Variants in NEGR1 observed in about 807,000 individuals in gnomAD.
The protein encoded by NEGR1 is IgLON family member 4.
NEGR1 carries 10 observed loss-of-function variants against 40.9 expected under a neutral mutation model. The observed-to-expected ratio is 0.24, with a 90% CI of 0.15 to 0.42. The LOEUF is 0.42. Among genes scored for constraint, NEGR1 ranks in the 10% least tolerant of loss-of-function variants. The pLI is 1.00. For synonymous variants in NEGR1, 185 were observed against 166.8 expected, an observed-to-expected ratio of 1.11 and a Z score of -0.84; for missense variants, 352 against 438.9, an observed-to-expected ratio of 0.80 and a Z score of 1.77.
chr1:71,963,886 C>A (rs866661070), intron 1 of NEGR1, among the ~76,000 whole-genome samples: 2 of 152,166 alleles, frequency 1.3e-5, no homozygotes, highest in South Asian at 2.1e-4. Flanking sequence ...GAGTCCAAAT[C>A]TGTAAAACTA....
chr1:71,878,209 A>T (rs530267861), intron 2 of NEGR1, among the ~76,000 whole-genome samples: 11 of 152,102 alleles, frequency 7.2e-5, no homozygotes, highest in African/African-American at 2.6e-4. Flanking sequence ...TTTTTTTGCA[A>T]GTTTTATTAC....
At chr1:71,884,631 C>T (rs1441673877) in intron 2 of NEGR1, among the ~76,000 whole-genome samples, 1 of 152,130 alleles carries the variant, frequency 6.6e-6, no homozygotes. Context: ...CTGTGGTATA[C>T]CAAAACCTGT....
chr1:71,753,078 T>C (rs1341867193), intron 3 of NEGR1, among the ~76,000 whole-genome samples: 1 of 152,134 alleles, frequency 6.6e-6, no homozygotes, highest in African/African-American at 2.4e-5. Context: ...TTGTAGTCCT[T>C]GGGAAAATGA....
At chr1:71,913,311 C>T (rs1004139973) in intron 2 of NEGR1, among the ~76,000 whole-genome samples, 20 of 152,020 alleles carry the variant, frequency 1.3e-4, no homozygotes, top group Admixed American at 3.9e-4. Flanking sequence ...GATGGGGTTC[C>T]GCCATGTTGG....
chr1:71,924,128 C>T (rs1340970651), intron 2 of NEGR1, among the ~76,000 whole-genome samples: 2 of 152,048 alleles, frequency 1.3e-5, no homozygotes, highest in Non-Finnish European at 2.9e-5. Context: ...CCTCCTGCTT[C>T]GTTCTTCCAA....
rs115892103 is a variant in NEGR1 at position 72,199,506 on chromosome 1, A to G, written c.176+82813T>C. ...GACACTTCAAATTCGCAGGTTTCCT[A>G]TCCCATTTAACCAGCTATGAGAACA... On this transcript the variant is annotated intron_variant, in intron 1 of 6. Coordinates refer to ENST00000357731, the MANE Select transcript of NEGR1 (RefSeq NM_173808.3). Among the ~76,000 whole-genome samples, 1,445 of 152,118 alleles carry G rather than the reference A, an allele frequency of 9.5e-3. 24 individuals carry two copies. The highest frequency in any genetic ancestry group is 0.033 in the African/African-American group (1,375 of 41,554).
At position 71,789,051 on chromosome 1, in the gene NEGR1, C is replaced by T. The variant is rs1352471864; in HGVS notation, c.410-12754G>A. On this transcript the variant is annotated intron_variant, in intron 2 of 6. Transcript: ENST00000357731. ...GATAAAGATAGAAGGATGGCAAAGG[C>T]GATACCAAGATATTTTTTGGAATAT... Among the ~76,000 whole-genome samples, 4 of 151,986 alleles carry T rather than the reference C, an allele frequency of 2.6e-5. No individual in the cohort carries two copies. In the East Asian group the frequency reaches 7.7e-4, roughly 29 times the overall value.
At chr1:71,431,026 C>T (rs900514166) in intron 6 of NEGR1, among the ~76,000 whole-genome samples, 1 of 151,796 alleles carries the variant, frequency 6.6e-6, no homozygotes, top group Non-Finnish European at 1.5e-5. Context: ...GGATTACAGG[C>T]GTGAGCCACC....
At chr1:71,616,832 C>G (rs1252060212) in intron 4 of NEGR1, among the ~76,000 whole-genome samples, 1 of 152,112 alleles carries the variant, frequency 6.6e-6, no homozygotes, top group Non-Finnish European at 1.5e-5. Context: ...GGGGAAAAGA[C>G]CCAACAACTC....
intron 2 of NEGR1, among the ~76,000 whole-genome samples, chr1:71,840,937 G>A (rs1165988485): frequency 6.6e-6 from 1 of 152,152 alleles, no homozygotes; most frequent in Non-Finnish European, 1.5e-5. Flanking sequence ...AGAACTCATG[G>A]CGAGCAGCCT....
intron 1 of NEGR1, among the ~76,000 whole-genome samples, chr1:72,262,603 G>T (rs1404860926): frequency 2.0e-5 from 3 of 151,858 alleles, no homozygotes; most frequent in Non-Finnish European, 2.9e-5. Flanking sequence ...ACTATTAGTT[G>T]TATCAATGAA....
chr1:71,615,170 C>T (rs1650407602), intron 4 of NEGR1, among the ~76,000 whole-genome samples: 1 of 152,066 alleles, frequency 6.6e-6, no homozygotes, highest in African/African-American at 2.4e-5. Flanking sequence ...TTATTACATA[C>T]TCATATTACT....
chr1:71,766,541 G>A (rs1870523), intron 3 of NEGR1, among the ~76,000 whole-genome samples: 113,218 of 152,226 alleles, frequency 0.74, 44,127 homozygotes, highest in East Asian at 0.86. Flanking sequence ...CCAGGCTAAA[G>A]GATGAACATG....
chr1:71,952,969 A>AAG (rs1485758957), intron 1 of NEGR1, among the ~76,000 whole-genome samples: 3 of 151,698 alleles, frequency 2.0e-5, no homozygotes, highest in East Asian at 1.9e-4. Flanking sequence ...AAAAAAAAAA[A>AAG]AAAAGGTTCT....
chr1:71,657,047 T>C (rs895308272), intron 4 of NEGR1, among the ~76,000 whole-genome samples: 40 of 151,992 alleles, frequency 2.6e-4, no homozygotes, highest in Admixed American at 2.2e-3. Context: ...GATGCAAGAG[T>C]ATTGAGCAAG....
chr1:71,639,919 C>T (rs771331769), intron 4 of NEGR1, among the ~76,000 whole-genome samples: 1 of 152,078 alleles, frequency 6.6e-6, no homozygotes, highest in African/African-American at 2.4e-5. Context: ...TTCCTCCATT[C>T]ATTCCCAAGG....
At chr1:71,818,184 G>A (rs940668175) in intron 2 of NEGR1, among the ~76,000 whole-genome samples, 1 of 151,872 alleles carries the variant, frequency 6.6e-6, no homozygotes, top group Non-Finnish European at 1.5e-5. Context: ...TCATTATTAG[G>A]TATATACCCA....
chr1:71,924,519 TA>T (rs2101886040), intron 2 of NEGR1, among the ~76,000 whole-genome samples: 1 of 152,268 alleles, frequency 6.6e-6, no homozygotes, highest in African/African-American at 2.4e-5. Context: ...ATATTTCATT[TA>T]AAAAAGGGTC....
At chr1:71,712,267 G>A (rs970821733) in intron 3 of NEGR1, among the ~76,000 whole-genome samples, 2 of 152,222 alleles carry the variant, frequency 1.3e-5, no homozygotes, top group Non-Finnish European at 2.9e-5. Flanking sequence ...ATGAGGATGT[G>A]CATCACATAG....
Sources: allele counts gnomAD v4.1 joint callset (sites outside exome capture counted in the v4.1 genomes callset), GRCh38; gene constraint gnomAD v4.1.1; transcripts MANE v1.5; gene names NCBI Gene and HGNC (gene_info 2026-07-23, HGNC 2026-07-21).